Variants in MYOCOS observed in about 807,000 individuals in gnomAD.
MYOCOS encodes the protein myocilin opposite strand protein.
chr1:171,618,343 A>G (rs1352054985), upstream of MYOCOS, among the ~76,000 whole-genome samples: 2 of 152,220 alleles, frequency 1.3e-5, no homozygotes, highest in Non-Finnish European at 2.9e-5. Context: ...ATATGCATAT[A>G]TGTCTAGAAA....
intron 1 of MYOCOS, among the ~76,000 whole-genome samples, chr1:171,607,093 CAAAAAAAAAAAAAA>C: frequency 1.5e-5 from 1 of 66,804 alleles, no homozygotes; most frequent in East Asian, 4.5e-4. Flanking sequence ...GACTCTGTCT[CAAAAAAAAAAAAAA>C]AAAAAAAAGC....
At chr1:171,617,517 T>C (rs781770963), upstream of MYOCOS, among the ~76,000 whole-genome samples, 1 of 152,158 alleles carries the variant, frequency 6.6e-6, no homozygotes, top group African/African-American at 2.4e-5. Context: ...ATGAAGACAA[T>C]GCTTCAAGGA....
At chr1:171,621,827 C>A (rs1356670020), upstream of MYOCOS, among the ~76,000 whole-genome samples, 1 of 151,972 alleles carries the variant, frequency 6.6e-6, no homozygotes, top group Non-Finnish European at 1.5e-5. Flanking sequence ...CAGAGTGAGA[C>A]CCTGTCTCAA....
chr1:171,620,926 C>T (rs1304396794), upstream of MYOCOS, among the ~76,000 whole-genome samples: 2 of 151,860 alleles, frequency 1.3e-5, no homozygotes, highest in East Asian at 1.9e-4. Context: ...AGTGCCACCA[C>T]GCCGGGCTAA....
At chr1:171,606,640 G>C (rs1162967371) in intron 1 of MYOCOS, among the ~76,000 whole-genome samples, 1 of 152,226 alleles carries the variant, frequency 6.6e-6, no homozygotes, top group Non-Finnish European at 1.5e-5. Context: ...CCCCTAGATT[G>C]CTCAATCAAT....
intron 1 of MYOCOS, among the ~76,000 whole-genome samples, chr1:171,606,937 C>CA: frequency 6.6e-6 from 1 of 151,522 alleles, no homozygotes; most frequent in Non-Finnish European, 1.5e-5. Flanking sequence ...ACTAAAAATA[C>CA]AAAAAAATAA....
intron 1 of MYOCOS, among the ~76,000 whole-genome samples, chr1:171,608,642 C>T (rs991968981): frequency 3.3e-5 from 5 of 151,864 alleles, no homozygotes; most frequent in South Asian, 2.1e-4. Context: ...AGGATGGTCT[C>T]GATCTCCTGA....
chr1:171,607,141 T>C (rs2102932860), intron 1 of MYOCOS, among the ~76,000 whole-genome samples: 1 of 148,838 alleles, frequency 6.7e-6, no homozygotes. Flanking sequence ...CCAACCTTCA[T>C]ATGTCTGTTT....
intron 1 of MYOCOS, among the ~76,000 whole-genome samples, chr1:171,602,892 G>C (rs1652170215): frequency 1.3e-5 from 2 of 152,190 alleles, no homozygotes; most frequent in African/African-American, 2.4e-5. Flanking sequence ...GGCATACCAA[G>C]ATGCAAATGC....
At chr1:171,619,151 A>T (rs1315328647), upstream of MYOCOS, among the ~76,000 whole-genome samples, 1 of 152,170 alleles carries the variant, frequency 6.6e-6, no homozygotes, top group Non-Finnish European at 1.5e-5. Context: ...TGTTAAATGT[A>T]TGGACTTTGG....
At chr1:171,603,961 C>T (rs1400667680) in intron 1 of MYOCOS, among the ~76,000 whole-genome samples, 1 of 152,164 alleles carries the variant, frequency 6.6e-6, no homozygotes, top group Non-Finnish European at 1.5e-5. Flanking sequence ...GCTAGACTAA[C>T]TAGATACCAA....
intron 2 of MYOCOS, among the ~76,000 whole-genome samples, chr1:171,616,896 C>G (rs1652459700): frequency 6.6e-6 from 1 of 152,166 alleles, no homozygotes; most frequent in Admixed American, 6.5e-5. Flanking sequence ...TGGGAAGGTT[C>G]ATCATTTGGT....
intron 2 of MYOCOS, among the ~76,000 whole-genome samples, chr1:171,624,605 A>AAT (rs1558082997): frequency 5.4e-5 from 8 of 147,650 alleles, no homozygotes; most frequent in African/African-American, 2.0e-4. Context: ...CCCGGCTAAT[A>AAT]TTTTGTGTGT....
chr1:171,615,389 A>G (rs183925487), intron 2 of MYOCOS, among the ~76,000 whole-genome samples: 1 of 152,308 alleles, frequency 6.6e-6, no homozygotes, highest in East Asian at 1.9e-4. Flanking sequence ...GAAAGAGATA[A>G]GACAAAGATG....
Position 171,606,046 on chromosome 1 carries a change from G to A in MYOCOS, c.-252+4966G>A, listed in dbSNP as rs144897286. Among the ~76,000 whole-genome samples the A allele has an allele frequency of 2.6e-4, 40 of 152,248 alleles. No individual in the cohort carries two copies. The East Asian group carries it at 5.8e-3, about 22-fold the overall frequency. ...TATGACAAAACTGACACATGTGCCCGTAAAAGTGTAGCACGGATTCGACCC... is the reference window on the plus strand; with the variant it reads ...TATGACAAAACTGACACATGTGCCCATAAAAGTGTAGCACGGATTCGACCC... On this transcript the variant is annotated intron_variant, in intron 1 of 3. Transcript: ENST00000636697.
chr1:171,613,281 A>T (rs918372286), intron 1 of MYOCOS, among the ~76,000 whole-genome samples: 2 of 152,136 alleles, frequency 1.3e-5, no homozygotes, highest in African/African-American at 4.8e-5. Flanking sequence ...GTGACCCTAG[A>T]TATTCATCTG....
chr1:171,603,304 C>T (rs1047987794), intron 1 of MYOCOS, among the ~76,000 whole-genome samples: 3 of 152,212 alleles, frequency 2.0e-5, no homozygotes, highest in Admixed American at 2.0e-4. Context: ...TTCTGGTGGA[C>T]CTTTACTGGG....
chr1:171,606,165 C>T (rs1365759716), intron 1 of MYOCOS, among the ~76,000 whole-genome samples: 1 of 152,170 alleles, frequency 6.6e-6, no homozygotes, highest in Non-Finnish European at 1.5e-5. Context: ...GCTTACTGCT[C>T]CCTTGTTGGC....
chr1:171,606,477 G>A (rs1652245433), intron 1 of MYOCOS, among the ~76,000 whole-genome samples: 1 of 152,048 alleles, frequency 6.6e-6, no homozygotes, highest in South Asian at 2.1e-4. Flanking sequence ...GGCCTGGCCT[G>A]CCTGGCCTAA....
Sources: gnomAD v4.1 joint callset for allele counts (sites outside exome capture counted in the v4.1 genomes callset) on GRCh38, gnomAD v4.1.1 for gene constraint, MANE v1.5 for transcripts, NCBI Gene and HGNC (gene_info 2026-07-23, HGNC 2026-07-21) for gene names.